ROBO1: variants seen among roughly 807,000 people sequenced by gnomAD.
ROBO1 encodes roundabout homolog 1.
Under a neutral mutation model 195.9 loss-of-function variants are expected in ROBO1, and 149 were observed. The ratio of observed to expected loss-of-function variants is 0.76; its 90% CI spans 0.67 to 0.87. The LOEUF (loss-of-function observed/expected upper bound fraction) is 0.87. Among genes scored for constraint, ROBO1 ranks in the 40% least tolerant of loss-of-function variants. The probability of loss-of-function intolerance (pLI) is 0.00; values close to 1 mark genes in which losing one functional copy is unlikely to be tolerated. For synonymous variants in ROBO1, 816 were observed against 733.2 expected, an observed-to-expected ratio of 1.11 and a Z score of -1.82; for missense variants, 1,933 against 2,068.3, an observed-to-expected ratio of 0.93 and a Z score of 1.27.
intron 10 of ROBO1, among the ~76,000 whole-genome samples, chr3:78,685,131 T>C (rs1191635224): frequency 1.3e-5 from 2 of 152,100 alleles, no homozygotes; most frequent in African/African-American, 4.8e-5. Flanking sequence ...AAATAAGATA[T>C]GAAAGAAAAA....
intron 2 of ROBO1, among the ~76,000 whole-genome samples, chr3:79,381,856 GT>G (rs756292758): frequency 6.6e-6 from 1 of 151,962 alleles, no homozygotes; most frequent in Non-Finnish European, 1.5e-5. Context: ...ATAAAATTTT[GT>G]ACGTCTTTTC....
chr3:79,168,377 A>G (rs1356948787), intron 2 of ROBO1, among the ~76,000 whole-genome samples: 1 of 152,144 alleles, frequency 6.6e-6, no homozygotes, highest in African/African-American at 2.4e-5. Flanking sequence ...TTTTAAAAAA[A>G]TCAGTGATGA....
Position 79,683,185 on chromosome 3 carries a change from C to A in ROBO1, c.-51+84567G>T, listed in dbSNP as rs144361551. On this transcript the variant is annotated intron_variant, in intron 1 of 30. Coordinates refer to ENST00000464233, the MANE Select transcript of ROBO1 (RefSeq NM_002941.4). The stretch of plus-strand genomic sequence containing the variant: ...TGGAAAAAACAATAGTTTAATGTCT[C>A]CAAATTTAAAGTGAATTTTGTTTGT... Among the ~76,000 whole-genome samples the A allele has an allele frequency of 2.1e-3, 320 of 152,004 alleles. 4 individuals are homozygous for A. The highest frequency in any genetic ancestry group is 6.2e-3 in the South Asian group (30 of 4,826).
intron 4 of ROBO1, among the ~76,000 whole-genome samples, chr3:78,839,564 TTAAA>T (rs2033028312): frequency 1.3e-5 from 2 of 152,186 alleles, no homozygotes; most frequent in Middle Eastern, 3.4e-3. Flanking sequence ...GTAATATTCA[TTAAA>T]TAATTTTCTA....
chr3:79,632,585 A>G (rs145924783), intron 1 of ROBO1, among the ~76,000 whole-genome samples: 1 of 152,290 alleles, frequency 6.6e-6, no homozygotes, highest in East Asian at 1.9e-4. Flanking sequence ...TATGCAATAT[A>G]TCCATGTTCC....
intron 2 of ROBO1, among the ~76,000 whole-genome samples, chr3:79,393,894 C>T (rs570847528): frequency 3.2e-4 from 48 of 151,986 alleles, no homozygotes; most frequent in African/African-American, 1.1e-3. Flanking sequence ...TCTGTGAAGA[C>T]GGGGCCAGGC....
At chr3:78,618,981 C>T (rs1396280956) in intron 26 of ROBO1, among the ~76,000 whole-genome samples, 2 of 151,996 alleles carry the variant, frequency 1.3e-5, no homozygotes, top group African/African-American at 2.4e-5. Context: ...AAGCAAGATT[C>T]GTGGAAGGAA....
At chr3:78,846,900 A>C (rs2033705323) in intron 4 of ROBO1, among the ~76,000 whole-genome samples, 2 of 152,142 alleles carry the variant, frequency 1.3e-5, no homozygotes, top group Admixed American at 6.6e-5. Context: ...ATAGCCTCAG[A>C]CTAGCAGCTG....
Position 78,936,384 on chromosome 3 carries a change from T to A in ROBO1, c.499+2217A>T, listed in dbSNP as rs138259766. ...TCAAGACACTTTTCGTTAATGTTTTTACTTGGGGGTGATAGTTTAATATCA... is the reference window on the plus strand; with the variant it reads ...TCAAGACACTTTTCGTTAATGTTTTAACTTGGGGGTGATAGTTTAATATCA... On this transcript the variant is annotated intron_variant, in intron 4 of 30. Coordinates refer to ENST00000464233, the MANE Select transcript of ROBO1 (RefSeq NM_002941.4). 3.4e-3 allele frequency among the ~76,000 whole-genome samples: 512 copies of A among 152,178 alleles called. 4 individuals carry two copies. The highest frequency in any genetic ancestry group is 0.012 in the African/African-American group (487 of 41,564).
intron 3 of ROBO1, among the ~76,000 whole-genome samples, chr3:79,013,480 A>G (rs1302194943): frequency 6.6e-6 from 1 of 152,248 alleles, no homozygotes; most frequent in Non-Finnish European, 1.5e-5. Flanking sequence ...TGACAGGAAG[A>G]ATAATGCCTT....
intron 2 of ROBO1, among the ~76,000 whole-genome samples, chr3:79,379,042 T>C (rs1275160535): frequency 6.6e-6 from 1 of 152,192 alleles, no homozygotes; most frequent in African/African-American, 2.4e-5. Context: ...GCCGAATTGA[T>C]ATAATAGATT....
At chr3:78,611,030 G>A (rs1486951856) in intron 28 of ROBO1, among the ~76,000 whole-genome samples, 2 of 152,108 alleles carry the variant, frequency 1.3e-5, no homozygotes, top group Non-Finnish European at 2.9e-5. Context: ...TTGTGGACTT[G>A]TTTTGTATGT....
chr3:79,331,758 C>T (rs1186133439), intron 2 of ROBO1, among the ~76,000 whole-genome samples: 1 of 152,076 alleles, frequency 6.6e-6, no homozygotes, highest in African/African-American at 2.4e-5. Flanking sequence ...TCTTGGAGGA[C>T]AATAGGTTAC....
rs138666372 is a variant in ROBO1, at chr3:78,742,896, G to A, written c.657+3847C>T. Among the ~76,000 whole-genome samples, 795 of 152,232 alleles carry A rather than the reference G, an allele frequency of 5.2e-3. 8 individuals are homozygous for A. Among genetic ancestry groups the A allele is most frequent in the South Asian group, 0.038 (185 of 4,820 alleles). On this transcript the variant is annotated intron_variant, in intron 5 of 30. Coordinates refer to ENST00000464233, the MANE Select transcript of ROBO1 (RefSeq NM_002941.4). ...TTAATTAGAGGACAGCATCCCCTTA[G>A]ACAGCAAAAGTAAATGAAGATTCTA... is the stretch of plus-strand genomic sequence containing the variant.
intron 2 of ROBO1, among the ~76,000 whole-genome samples, chr3:79,499,942 G>A (rs1398608828): frequency 6.6e-6 from 1 of 151,936 alleles, no homozygotes; most frequent in Middle Eastern, 3.2e-3. Flanking sequence ...GAGTAGCTGG[G>A]ATTGCAGGCG....
intron 4 of ROBO1, among the ~76,000 whole-genome samples, chr3:78,888,359 A>G (rs755536496): frequency 4.6e-5 from 7 of 152,176 alleles, no homozygotes; most frequent in African/African-American, 4.8e-5. Context: ...AGTGTTTTCA[A>G]TATTTAGGCT....
chr3:78,777,956 A>G lies in ROBO1; in HGVS notation c.500-31056T>C, dbSNP rs145356564. Among the ~76,000 whole-genome samples the G allele has an allele frequency of 4.9e-3, 743 of 152,282 alleles. 8 individuals carry two copies. The highest frequency in any genetic ancestry group is 0.017 in the African/African-American group (704 of 41,564). On this transcript the variant is annotated intron_variant, in intron 4 of 30. Transcript: ENST00000464233. ...TTCCAGCTTTTGTCCATTCACTATG[A>G]TATTGGCTGTGAGTTTGTCATAAAT...
intron 2 of ROBO1, among the ~76,000 whole-genome samples, chr3:79,237,220 C>T (rs1466649640): frequency 1.3e-5 from 2 of 152,102 alleles, no homozygotes; most frequent in Admixed American, 6.5e-5. Flanking sequence ...CGGTGGCTCA[C>T]GCCTGTAATC....
chr3:79,288,102 C>T (rs1057108414), intron 2 of ROBO1, among the ~76,000 whole-genome samples: 1 of 151,998 alleles, frequency 6.6e-6, no homozygotes, highest in African/African-American at 2.4e-5. Flanking sequence ...AAGTATTTTC[C>T]CTTGAAAGTA....
Sources: allele counts gnomAD v4.1 joint callset (sites outside exome capture counted in the v4.1 genomes callset), GRCh38; gene constraint gnomAD v4.1.1; transcripts MANE v1.5; gene names NCBI Gene and HGNC (gene_info 2026-07-23, HGNC 2026-07-21).